The following MECOM variants were observed in gnomAD, a reference collection of about 807,000 sequenced individuals.
MECOM encodes the protein MDS1 and EVI1 complex locus.
Under a neutral mutation model 116.3 loss-of-function variants are expected in MECOM, and 13 were observed. The ratio of observed to expected loss-of-function variants is 0.11; its 90% CI spans 0.07 to 0.18. The LOEUF is 0.18. Among genes scored for constraint, MECOM ranks in the 10% least tolerant of loss-of-function variants. The pLI is 1.00. For synonymous variants in MECOM, 528 were observed against 535.2 expected, an observed-to-expected ratio of 0.99 and a Z score of 0.19; for missense variants, 1,299 against 1,509.0, an observed-to-expected ratio of 0.86 and a Z score of 2.31.
At chr3:169,515,484 G>A (rs1426849050) in intron 1 of MECOM, among the ~76,000 whole-genome samples, 1 of 152,180 alleles carries the variant, frequency 6.6e-6, no homozygotes, top group Non-Finnish European at 1.5e-5. Context: ...AGGTAATGGA[G>A]TTAGGATCTG....
intron 1 of MECOM, among the ~76,000 whole-genome samples, chr3:169,461,484 C>G (rs897314293): frequency 6.6e-6 from 1 of 152,032 alleles, no homozygotes; most frequent in African/African-American, 2.4e-5. Flanking sequence ...CTTTATTTTT[C>G]AAATATGAAA....
chr3:169,452,397 A>G (rs1745766653), intron 1 of MECOM, among the ~76,000 whole-genome samples: 2 of 152,230 alleles, frequency 1.3e-5, no homozygotes, highest in South Asian at 2.1e-4. Flanking sequence ...AATGCACTAC[A>G]TAAATCTATG....
chr3:169,178,034 A>G (rs1440162978), intron 2 of MECOM, among the ~76,000 whole-genome samples: 2 of 152,196 alleles, frequency 1.3e-5, no homozygotes, highest in Non-Finnish European at 2.9e-5. Flanking sequence ...TGCCTTCCTG[A>G]GTAGTTAATA....
At chr3:169,232,788 A>G (rs1230546528) in intron 2 of MECOM, among the ~76,000 whole-genome samples, 1 of 152,090 alleles carries the variant, frequency 6.6e-6, no homozygotes. Flanking sequence ...GCTTCAGTGA[A>G]TATTTGATTC....
intron 2 of MECOM, among the ~76,000 whole-genome samples, chr3:169,368,242 C>G (rs1729513908): frequency 1.3e-5 from 2 of 151,844 alleles, no homozygotes; most frequent in Non-Finnish European, 1.5e-5. Context: ...CATGAAAGAC[C>G]AAAAGAGGTT....
At chr3:169,281,869 G>C (rs1434301548) in intron 2 of MECOM, among the ~76,000 whole-genome samples, 1 of 152,106 alleles carries the variant, frequency 6.6e-6, no homozygotes, top group Non-Finnish European at 1.5e-5. Context: ...AGTGGTAAAA[G>C]GAATGCATTT....
intron 9 of MECOM, among the ~76,000 whole-genome samples, chr3:169,109,775 T>C (rs958244104): frequency 6.6e-6 from 1 of 152,194 alleles, no homozygotes; most frequent in Non-Finnish European, 1.5e-5. Flanking sequence ...CGCAATAATA[T>C]AGCCTAATAA....
chr3:169,580,781 G>T (rs1433741091), intron 1 of MECOM, among the ~76,000 whole-genome samples: 1 of 152,160 alleles, frequency 6.6e-6, no homozygotes, highest in Admixed American at 6.5e-5. Context: ...GTGTTCTCTA[G>T]AAATCAATAT....
intron 2 of MECOM, among the ~76,000 whole-genome samples, chr3:169,211,916 A>G (rs1577357577): frequency 6.6e-6 from 1 of 152,012 alleles, no homozygotes; most frequent in Non-Finnish European, 1.5e-5. Context: ...TCCTCCCTGC[A>G]CACTCCTCAC....
At chr3:169,172,407 A>ATGTGTGTG (rs5854312) in intron 2 of MECOM, among the ~76,000 whole-genome samples, 3,347 of 144,430 alleles carry the variant, frequency 0.023, 92 homozygotes, top group African/African-American at 0.055. Flanking sequence ...GTACCCTTGT[A>ATGTGTGTG]TGTGTGTGTG....
chr3:169,654,157 A>T (rs2110095629), intron 1 of MECOM, among the ~76,000 whole-genome samples: 1 of 152,328 alleles, frequency 6.6e-6, no homozygotes, highest in South Asian at 2.1e-4. Context: ...TGAGTTAGAT[A>T]TTATAAAGTG....
chr3:169,458,461 G>A (rs188306673), intron 1 of MECOM, among the ~76,000 whole-genome samples: 9 of 152,282 alleles, frequency 5.9e-5, no homozygotes, highest in Admixed American at 4.6e-4. Context: ...TGGGCCACTT[G>A]AGCAACAACT....
intron 2 of MECOM, among the ~76,000 whole-genome samples, chr3:169,174,857 T>C (rs1744913283): frequency 6.6e-6 from 1 of 152,190 alleles, no homozygotes; most frequent in Non-Finnish European, 1.5e-5. Flanking sequence ...TGACCACTGC[T>C]ACTCATTACA....
chr3:169,173,499 G>C (rs1041570261), intron 2 of MECOM, among the ~76,000 whole-genome samples: 1 of 152,100 alleles, frequency 6.6e-6, no homozygotes, highest in African/African-American at 2.4e-5. Flanking sequence ...AATTCAGTCT[G>C]GCAACTCTGA....
intron 2 of MECOM, among the ~76,000 whole-genome samples, chr3:169,313,987 G>C (rs1577683072): frequency 6.6e-6 from 1 of 152,172 alleles, no homozygotes; most frequent in Admixed American, 6.5e-5. Context: ...GAATCTATAT[G>C]CTACCACATC....
chr3:169,447,038 G>T (rs1023386657), intron 1 of MECOM, among the ~76,000 whole-genome samples: 1 of 151,966 alleles, frequency 6.6e-6, no homozygotes, highest in Admixed American at 6.6e-5. Flanking sequence ...TTATGAAAAG[G>T]GATCCTCATT....
intron 2 of MECOM, among the ~76,000 whole-genome samples, chr3:169,293,910 G>A (rs1413999973): frequency 6.6e-6 from 1 of 152,200 alleles, no homozygotes; most frequent in Non-Finnish European, 1.5e-5. Context: ...CAGTCCTCAG[G>A]TGGAGACCTC....
At chr3:169,089,627 T>C (rs1392392104) in intron 15 of MECOM, among the ~76,000 whole-genome samples, 2 of 152,146 alleles carry the variant, frequency 1.3e-5, no homozygotes, top group East Asian at 3.8e-4. Flanking sequence ...GAAGTGAAGT[T>C]TATCTCAATT....
At chr3:169,387,903 C>G (rs1257535601) in intron 1 of MECOM, among the ~76,000 whole-genome samples, 2 of 152,092 alleles carry the variant, frequency 1.3e-5, no homozygotes, top group African/African-American at 4.8e-5. Flanking sequence ...GAAATTTAGA[C>G]ATTTCCCCCC....
Sources: allele counts gnomAD v4.1 joint callset (sites outside exome capture counted in the v4.1 genomes callset), GRCh38; gene constraint gnomAD v4.1.1; transcripts MANE v1.5; gene names NCBI Gene and HGNC (gene_info 2026-07-23, HGNC 2026-07-21).